The following APBB2 variants were observed in gnomAD, a reference collection of about 807,000 sequenced individuals.
The protein encoded by APBB2 is Fe65-like 1.
APBB2 carries 38 observed loss-of-function variants against 82.5 expected under a neutral mutation model. The observed-to-expected ratio is 0.46, with a 90% CI of 0.36 to 0.60. APBB2 has a LOEUF of 0.60. Ranked by LOEUF, APBB2 falls within the 20% of genes least tolerant of loss-of-function variation. The pLI, the probability that APBB2 is intolerant of heterozygous loss-of-function variation, is 0.00. For synonymous variants in APBB2, 341 were observed against 368.2 expected (o/e 0.93, Z 0.85); for missense variants, 772 against 972.3 (o/e 0.79, Z 2.74).
chr4:40,917,392 A>C (rs1001540193), intron 10 of APBB2, among the ~76,000 whole-genome samples: 4 of 152,116 alleles, frequency 2.6e-5, no homozygotes, highest in Non-Finnish European at 4.4e-5. Flanking sequence ...AGACGGGTGA[A>C]CAGTGGGGTC....
chr4:41,049,297 C>A (rs1724830986), intron 4 of APBB2, among the ~76,000 whole-genome samples: 1 of 139,114 alleles, frequency 7.2e-6, no homozygotes, highest in South Asian at 2.4e-4. Context: ...AAGTGAGGAG[C>A]CCCTCTGCCC....
chr4:40,883,663 G>A (rs944240658), intron 12 of APBB2, among the ~76,000 whole-genome samples: 2 of 146,934 alleles, frequency 1.4e-5, no homozygotes, highest in African/African-American at 2.5e-5. Context: ...AGGGACCCCC[G>A]AATGCTGCTA....
intron 10 of APBB2, among the ~76,000 whole-genome samples, chr4:40,903,474 T>C (rs977277411): frequency 6.6e-6 from 1 of 151,954 alleles, no homozygotes; most frequent in Non-Finnish European, 1.5e-5. Context: ...CTCAAAAAAA[T>C]AAATAGATAA....
intron 7 of APBB2, among the ~76,000 whole-genome samples, chr4:40,939,009 C>T (rs558414855): frequency 8.5e-5 from 13 of 152,246 alleles, no homozygotes; most frequent in Non-Finnish European, 1.5e-4. Context: ...GAGACCTGAG[C>T]TGGCATGCTC....
At chr4:41,070,992 C>T (rs1236383340) in intron 3 of APBB2, among the ~76,000 whole-genome samples, 1 of 152,178 alleles carries the variant, frequency 6.6e-6, no homozygotes, top group East Asian at 1.9e-4. Context: ...ATCACAAATG[C>T]TCTACAAAGT....
chr4:40,818,212 C>A (rs2154293653), intron 17 of APBB2, among the ~76,000 whole-genome samples: 1 of 152,226 alleles, frequency 6.6e-6, no homozygotes, highest in South Asian at 2.1e-4. Flanking sequence ...AAGAAGAAAG[C>A]CCCTGAGCTA....
intron 12 of APBB2, among the ~76,000 whole-genome samples, chr4:40,851,113 ATG>A (rs1425500864): frequency 1.3e-5 from 2 of 152,212 alleles, no homozygotes; most frequent in Non-Finnish European, 2.9e-5. Context: ...AAAAAAAACA[ATG>A]AACATTTTCA....
chr4:41,129,557 T>C (rs747557493), intron 2 of APBB2, among the ~76,000 whole-genome samples: 10 of 152,218 alleles, frequency 6.6e-5, no homozygotes, highest in Non-Finnish European at 1.3e-4. Flanking sequence ...TTTGTTCTCC[T>C]GCTGTTGTGC....
chr4:40,945,470 C>A (rs1036138272), intron 6 of APBB2, among the ~76,000 whole-genome samples: 2 of 143,572 alleles, frequency 1.4e-5, no homozygotes, highest in African/African-American at 5.0e-5. Flanking sequence ...GGCATCATGT[C>A]ATTCCCAGCT....
chr4:40,881,538 T>TC (rs1433596666), intron 12 of APBB2: 5 of 243,260 alleles, frequency 2.1e-5, no homozygotes, highest in African/African-American at 1.3e-4. Flanking sequence ...CTTTTTCTTT[T>TC]TTTTTTTTTT....
intron 6 of APBB2, among the ~76,000 whole-genome samples, chr4:40,994,779 A>T (rs1328350212): frequency 6.7e-6 from 1 of 148,342 alleles, no homozygotes; most frequent in East Asian, 2.0e-4. Flanking sequence ...GTGCCACTAC[A>T]CTCCAGCCTG....
intron 6 of APBB2, among the ~76,000 whole-genome samples, chr4:40,949,974 G>A (rs2154383321): frequency 6.6e-6 from 1 of 152,266 alleles, no homozygotes; most frequent in Non-Finnish European, 1.5e-5. Context: ...GCACTGGACA[G>A]CCTAAAACGC....
chr4:40,927,886 C>CT (rs1273984532), intron 10 of APBB2, among the ~76,000 whole-genome samples: 1 of 152,200 alleles, frequency 6.6e-6, no homozygotes, highest in Non-Finnish European at 1.5e-5. Flanking sequence ...GAAAAGAACT[C>CT]TGACAAAACG....
chr4:40,884,428 AG>A (rs1458873003), intron 12 of APBB2, among the ~76,000 whole-genome samples: 1 of 152,232 alleles, frequency 6.6e-6, no homozygotes, highest in African/African-American at 2.4e-5. Context: ...ACAAAGCAGC[AG>A]AACAGCACTG....
chr4:41,049,842 A>T (rs1422172816), intron 4 of APBB2, among the ~76,000 whole-genome samples: 1 of 152,170 alleles, frequency 6.6e-6, no homozygotes, highest in East Asian at 1.9e-4. Flanking sequence ...TCTCTGAAAC[A>T]TGTGCTATGT....
chr4:40,999,943 T>A (rs1419136298), intron 6 of APBB2, among the ~76,000 whole-genome samples: 2 of 151,692 alleles, frequency 1.3e-5, no homozygotes, highest in Admixed American at 1.3e-4. Flanking sequence ...TCTATAATCC[T>A]AGCACTTTGA....
At chr4:41,037,744 G>T (rs1719795584) in intron 4 of APBB2, among the ~76,000 whole-genome samples, 1 of 152,150 alleles carries the variant, frequency 6.6e-6, no homozygotes, top group Non-Finnish European at 1.5e-5. Context: ...CCTAGGCTGG[G>T]TGCGATGGCT....
chr4:41,013,780 CTGTT>C lies in APBB2; in HGVS notation c.634_637del (p.Asn212AspfsTer11). ...GCCGTCTTCAGGGCTGGACTGGGGT[CTGTT>C]TGGTTTCTGCAGCAGCAAATCGCCA... On this transcript the variant is annotated frameshift_variant, in exon 6 of 18. Transcript: ENST00000508593. LOFTEE classifies it high-confidence loss of function. 6.2e-7 allele frequency: 1 copy of C among 1,614,128 alleles called. No homozygotes were observed. Among genetic ancestry groups the C allele is most frequent in the Non-Finnish European group, 8.5e-7 (1 of 1,180,024 alleles).
chr4:41,151,706 T>A (rs1319748455), intron 1 of APBB2, among the ~76,000 whole-genome samples: 2 of 152,182 alleles, frequency 1.3e-5, no homozygotes, highest in Non-Finnish European at 2.9e-5. Context: ...TTGTTGCTGT[T>A]GGGAAGTCAG....
Sources: allele counts gnomAD v4.1 joint callset (sites outside exome capture counted in the v4.1 genomes callset), GRCh38; gene constraint gnomAD v4.1.1; transcripts MANE v1.5; gene names NCBI Gene and HGNC (gene_info 2026-07-23, HGNC 2026-07-21).